The following WWOX variants were observed in gnomAD, a reference collection of about 807,000 sequenced individuals.
WWOX encodes the protein WW domain-containing oxidoreductase.
WWOX carries 69 observed loss-of-function variants against 46.2 expected under a neutral mutation model. The ratio of observed to expected loss-of-function variants is 1.49; its 90% CI spans 1.23 to 1.82. The LOEUF (loss-of-function observed/expected upper bound fraction) is 1.82. WWOX is among the 40% of genes most tolerant of loss of function. The pLI, the probability that WWOX is intolerant of heterozygous loss-of-function variation, is 0.00. For synonymous variants in WWOX, 359 were observed against 202.6 expected, an observed-to-expected ratio of 1.77 and a Z score of -6.56; for missense variants, 919 against 542.6, an observed-to-expected ratio of 1.69 and a Z score of -6.89.
chr16:78,469,884 C>T (rs971443504), intron 8 of WWOX, among the ~76,000 whole-genome samples: 3 of 152,306 alleles, frequency 2.0e-5, no homozygotes, highest in East Asian at 1.9e-4. Context: ...TATCTGTAAC[C>T]TGGGATTAGA....
At chr16:78,616,975 G>C (rs1363176322) in intron 8 of WWOX, among the ~76,000 whole-genome samples, 2 of 152,208 alleles carry the variant, frequency 1.3e-5, no homozygotes, top group Non-Finnish European at 2.9e-5. Flanking sequence ...ACACATGTCA[G>C]ATAGTAGACA....
chr16:78,740,412 G>T (rs192468405), intron 8 of WWOX, among the ~76,000 whole-genome samples: 3 of 152,180 alleles, frequency 2.0e-5, no homozygotes, highest in Admixed American at 6.5e-5. Context: ...GGTTGGCAGC[G>T]TCCTTTGGCT....
intron 8 of WWOX, among the ~76,000 whole-genome samples, chr16:78,894,641 T>C (rs372809408): frequency 2.4e-4 from 36 of 152,224 alleles, no homozygotes; most frequent in South Asian, 1.9e-3. Context: ...GTGGTACTTA[T>C]ACCTACCCAG....
intron 8 of WWOX, among the ~76,000 whole-genome samples, chr16:78,810,096 C>T (rs951694414): frequency 2.6e-5 from 4 of 152,174 alleles, no homozygotes; most frequent in Non-Finnish European, 4.4e-5. Context: ...AGACCTAAAC[C>T]AGTGAATTAA....
intron 8 of WWOX, among the ~76,000 whole-genome samples, chr16:78,925,506 C>A (rs569611500): frequency 1.3e-5 from 2 of 152,178 alleles, no homozygotes; most frequent in East Asian, 1.9e-4. Flanking sequence ...AGCGTCTTAA[C>A]CAGGAACTCG....
chr16:78,322,063 C>T (rs188579747), intron 5 of WWOX, among the ~76,000 whole-genome samples: 269 of 152,176 alleles, frequency 1.8e-3, no homozygotes, highest in Non-Finnish European at 2.8e-3. Context: ...ATATTTGGCT[C>T]CTAGTTGTAC....
At chr16:78,710,489 TA>T (rs1485178774) in intron 8 of WWOX, among the ~76,000 whole-genome samples, 2 of 135,108 alleles carry the variant, frequency 1.5e-5, no homozygotes, top group Admixed American at 7.7e-5. Context: ...TATATATATA[TA>T]TATATATATT....
intron 8 of WWOX, chr16:78,899,672 T>C (rs2044780281): frequency 6.6e-6 from 1 of 152,234 alleles, no homozygotes. Context: ...TGTAAGACTT[T>C]TACAGATACC....
chr16:78,355,398 C>G (rs1030838452), intron 5 of WWOX: 5 of 244,908 alleles, frequency 2.0e-5, no homozygotes, highest in African/African-American at 7.0e-5. Context: ...GTCAGGAGAT[C>G]GAGACCATCC....
chr16:78,974,180 C>G (rs532868534), intron 8 of WWOX, among the ~76,000 whole-genome samples: 1 of 152,288 alleles, frequency 6.6e-6, no homozygotes, highest in South Asian at 2.1e-4. Context: ...CTCGTTAATA[C>G]TTTTGGAGGG....
chr16:78,906,445 C>T (rs2044967133), intron 8 of WWOX, among the ~76,000 whole-genome samples: 2 of 152,202 alleles, frequency 1.3e-5, no homozygotes, highest in East Asian at 1.9e-4. Context: ...AAATTCTCTT[C>T]CCAGGAGCCC....
chr16:79,198,088 G>A lies in WWOX; in HGVS notation c.1057-13520G>A, dbSNP rs141152258. 6.6e-5 allele frequency among the ~76,000 whole-genome samples: 10 copies of A among 152,156 alleles called. 1 individual carries two copies. The highest frequency in any genetic ancestry group is 3.4e-3 in the Middle Eastern group (1 of 294). ...GCCTATAATCCCAGCACTTGGGGAG[G>A]CCAAGACAGGTGGATCACCTGAGGA... On this transcript the variant is annotated intron_variant, in intron 8 of 8. Transcript: ENST00000566780.
intron 8 of WWOX, among the ~76,000 whole-genome samples, chr16:78,465,653 T>C (rs1366654242): frequency 6.6e-6 from 1 of 152,270 alleles, no homozygotes; most frequent in Non-Finnish European, 1.5e-5. Context: ...AAACCTGTTT[T>C]AGTAATTTAC....
At chr16:78,649,290 T>G (rs2046913214) in intron 8 of WWOX, among the ~76,000 whole-genome samples, 1 of 151,596 alleles carries the variant, frequency 6.6e-6, no homozygotes. Flanking sequence ...TGACCTGTTT[T>G]TAATTTTTTT....
intron 5 of WWOX, among the ~76,000 whole-genome samples, chr16:78,347,401 G>C (rs2081112445): frequency 1.7e-5 from 2 of 117,688 alleles, no homozygotes; most frequent in Admixed American, 1.7e-4. Flanking sequence ...TTGGTCCCAG[G>C]TTATTCGCAC....
intron 8 of WWOX, among the ~76,000 whole-genome samples, chr16:78,975,785 A>C (rs1039080370): frequency 6.6e-6 from 1 of 152,154 alleles, no homozygotes; most frequent in Non-Finnish European, 1.5e-5. Context: ...TCAGCCTTTC[A>C]GACAATTCTG....
chr16:78,625,365 TC>T (rs1359020974), intron 8 of WWOX, among the ~76,000 whole-genome samples: 1 of 152,186 alleles, frequency 6.6e-6, no homozygotes, highest in African/African-American at 2.4e-5. Context: ...GGTAACTGGA[TC>T]CCTGAAATTC....
intron 5 of WWOX, among the ~76,000 whole-genome samples, chr16:78,227,592 A>G (rs1320237224): frequency 6.6e-6 from 1 of 152,074 alleles, no homozygotes; most frequent in African/African-American, 2.4e-5. Context: ...AGAAACATAC[A>G]AGGGCCGGAT....
intron 5 of WWOX, among the ~76,000 whole-genome samples, chr16:78,190,040 G>C (rs1160814922): frequency 6.6e-6 from 1 of 152,118 alleles, no homozygotes; most frequent in Non-Finnish European, 1.5e-5. Context: ...CAGCACATGT[G>C]TCCACACTTG....
Sources: allele counts gnomAD v4.1 joint callset (sites outside exome capture counted in the v4.1 genomes callset), GRCh38; gene constraint gnomAD v4.1.1; transcripts MANE v1.5; gene names NCBI Gene and HGNC (gene_info 2026-07-23, HGNC 2026-07-21).